The following COL11A1 variants were observed in gnomAD, a reference collection of about 807,000 sequenced individuals.
COL11A1 encodes collagen type XI alpha 1 chain.
Under a neutral mutation model 265.2 loss-of-function variants are expected in COL11A1, and 74 were observed. That is an observed-to-expected ratio of 0.28 (90% confidence interval 0.23 to 0.34). The LOEUF is 0.34. Ranked by LOEUF, COL11A1 falls within the 10% of genes least tolerant of loss-of-function variation. The probability of loss-of-function intolerance (pLI) is 1.00; values close to 1 mark genes in which losing one functional copy is unlikely to be tolerated. For synonymous variants in COL11A1, 816 were observed against 727.6 expected, an observed-to-expected ratio of 1.12 and a Z score of -1.96; for missense variants, 2,165 against 2,263.6, an observed-to-expected ratio of 0.96 and a Z score of 0.88.
At chr1:103,090,343 C>T (rs1180848117) in intron 1 of COL11A1, among the ~76,000 whole-genome samples, 1 of 152,012 alleles carries the variant, frequency 6.6e-6, no homozygotes, top group Non-Finnish European at 1.5e-5. Flanking sequence ...AGTCAAAAAA[C>T]CAGTATTGCT....
chr1:102,921,561 C>T lies in COL11A1; in HGVS notation c.3665G>A (p.Gly1222Asp). 6.2e-7 allele frequency: 1 copy of T among 1,612,782 alleles called. No homozygotes were observed. Among genetic ancestry groups the T allele is most frequent in the Non-Finnish European group, 8.5e-7 (1 of 1,179,298 alleles). ...TTGAGGGCCTCTTGGGCCTGGAGGA[C>T]CAGGTGGCCCCTGTAAGAGAGAAAT... is the stretch of plus-strand genomic sequence containing the variant. ...NGDVGPMGPPGPPGPRGPQGP... is the reference protein window; with the variant it reads ...NGDVGPMGPPDPPGPRGPQGP... The change falls in exon 48 of 67, where the codon GGT (glycine) becomes GAT (aspartate). Residue 1222 changes from glycine to aspartate, a missense_variant. Coordinates refer to ENST00000370096, the MANE Select transcript of COL11A1 (RefSeq NM_001854.4).
chr1:103,026,030 G>T, intron 6 of COL11A1, 186 bp downstream of exon 6: 1 of 1,470,922 alleles, frequency 6.8e-7, no homozygotes, highest in South Asian at 1.1e-5. Flanking sequence ...TGAAAGGAAG[G>T]CTAAGCAAAA....
intron 1 of COL11A1, among the ~76,000 whole-genome samples, chr1:103,103,835 C>T (rs1439051486): frequency 6.6e-6 from 1 of 151,990 alleles, no homozygotes; most frequent in African/African-American, 2.4e-5. Flanking sequence ...AAGGTACTTA[C>T]ATTAGTTTCA....
chr1:103,051,729 T>C (rs1383502789), intron 4 of COL11A1, among the ~76,000 whole-genome samples: 1 of 152,192 alleles, frequency 6.6e-6, no homozygotes, highest in Non-Finnish European at 1.5e-5. Context: ...GCTGTTCCCA[T>C]TTGGCCATCT....
chr1:103,020,258 C>T (rs1183738685), intron 9 of COL11A1, among the ~76,000 whole-genome samples: 5 of 142,062 alleles, frequency 3.5e-5, no homozygotes, highest in African/African-American at 5.2e-5. Flanking sequence ...CTGTTGTTTC[C>T]TGACTTTTTA....
intron 41 of COL11A1, among the ~76,000 whole-genome samples, chr1:102,957,256 C>T (rs11576893): frequency 6.6e-6 from 1 of 151,922 alleles, no homozygotes; most frequent in Non-Finnish European, 1.5e-5. Flanking sequence ...TGAATGGATA[C>T]ATTAGAATTA....
Position 102,965,506 on chromosome 1 carries a change from C to A in COL11A1, c.2897G>T (p.Gly966Val). Residue 966 changes from glycine to valine, a missense_variant, in exon 38 of 67, where the codon GGG (glycine) becomes GTG (valine). By Grantham distance (109) the Gly-to-Val change is moderately radical. Coordinates refer to ENST00000370096, the MANE Select transcript of COL11A1 (RefSeq NM_001854.4). ...FQGKTGPPGP[G>V]GVVGPQGPTG... The stretch of plus-strand genomic sequence containing the variant: ...ACATACCTGTGGTCCAACCACTCCC[C>A]CTGGCCCAGGAGGGCCGGTCTTGCC... 1 of 1,613,692 alleles carries A rather than the reference C, an allele frequency of 6.2e-7. No homozygotes were observed. The highest frequency in any genetic ancestry group is 8.5e-7 in the Non-Finnish European group (1 of 1,179,774).
At chr1:102,888,111 A>G (rs146183257) in intron 62 of COL11A1, among the ~76,000 whole-genome samples, 1 of 152,316 alleles carries the variant, frequency 6.6e-6, no homozygotes, top group East Asian at 1.9e-4. Flanking sequence ...ACATGGACCT[A>G]TATTTTAATT....
intron 35 of COL11A1, among the ~76,000 whole-genome samples, chr1:102,975,674 G>T (rs1303632622): frequency 6.6e-6 from 1 of 152,076 alleles, no homozygotes; most frequent in East Asian, 1.9e-4. Context: ...TATATGCCCA[G>T]AACGTAATAG....
intron 4 of COL11A1, among the ~76,000 whole-genome samples, chr1:103,058,492 G>A (rs188966691): frequency 1.3e-5 from 2 of 152,244 alleles, no homozygotes; most frequent in Non-Finnish European, 2.9e-5. Flanking sequence ...GGCACAAAAG[G>A]CCTGGCCTTT....
intron 36 of COL11A1, among the ~76,000 whole-genome samples, chr1:102,972,613 G>A (rs763901618): frequency 4.6e-5 from 7 of 151,956 alleles, no homozygotes; most frequent in South Asian, 2.1e-4. Flanking sequence ...ATAATTTCAC[G>A]GTATCTATGT....
At chr1:102,948,914 A>C (rs1659590876) in intron 41 of COL11A1, among the ~76,000 whole-genome samples, 1 of 152,044 alleles carries the variant, frequency 6.6e-6, no homozygotes, top group Non-Finnish European at 1.5e-5. Context: ...AGCAACCCTA[A>C]GAGTAAAAAG....
chr1:103,065,411 T>C (rs1156381917), intron 4 of COL11A1, among the ~76,000 whole-genome samples: 1 of 148,664 alleles, frequency 6.7e-6, no homozygotes, highest in Non-Finnish European at 1.5e-5. Flanking sequence ...TCCCAGCTAC[T>C]CAGGAGGCTG....
Position 102,876,596 on chromosome 1 carries a change from C to T in COL11A1, c.*1423G>A, listed in dbSNP as rs965685821. On this transcript the variant is annotated 3_prime_UTR_variant, in exon 67 of 67. Transcript: ENST00000370096. ...ATTTCACTTTTTAATTTCAATATTACAGGTATGTTCTTTTGTCATAAATTA... is the reference window on the plus strand; with the variant it reads ...ATTTCACTTTTTAATTTCAATATTATAGGTATGTTCTTTTGTCATAAATTA... The T allele has an allele frequency of 6.6e-6, 1 of 152,412 alleles. No individual in the cohort carries two copies. The highest frequency in any genetic ancestry group is 2.4e-5 in the African/African-American group (1 of 41,428). The allele number at this position is 152,412 out of a possible 1,614,324, so 9.4% of individuals were successfully genotyped here.
At chr1:103,059,517 A>G (rs1238763969) in intron 4 of COL11A1, among the ~76,000 whole-genome samples, 2 of 152,138 alleles carry the variant, frequency 1.3e-5, no homozygotes, top group Non-Finnish European at 2.9e-5. Context: ...GTTTAAAGAG[A>G]CTGAATAAGC....
intron 4 of COL11A1, among the ~76,000 whole-genome samples, chr1:103,041,363 T>A (rs966858920): frequency 2.0e-5 from 3 of 151,244 alleles, no homozygotes; most frequent in African/African-American, 7.3e-5. Flanking sequence ...TACATATCAA[T>A]TTTTAGCATC....
At position 102,898,686 on chromosome 1, in the gene COL11A1, G is replaced by C. The variant is rs778331804; in HGVS notation, c.4228C>G (p.Arg1410Gly). Residue 1410 changes from arginine to glycine, a missense_variant, in exon 56 of 67, where the codon CGG (arginine) becomes GGG (glycine). Physicochemically the swap from Arg to Gly is moderately radical, Grantham distance 125 (BLOSUM62 -2). Transcript: ENST00000370096. ...CTCACCACAGGACCAGGGATGCCCC[G>C]AAGACCTTCTGGACCAGGCTTTCCT... The part of the protein sequence containing the change: ...PAGKPGPEGL[R>G]GIPGPVGEQG... The C allele has an allele frequency of 1.2e-6, 2 of 1,612,424 alleles. No homozygotes were observed. The highest frequency in any genetic ancestry group is 2.2e-5 in the South Asian group (2 of 91,058).
At chr1:102,885,557 A>T (rs983990030) in intron 63 of COL11A1, among the ~76,000 whole-genome samples, 1 of 152,164 alleles carries the variant, frequency 6.6e-6, no homozygotes, top group Non-Finnish European at 1.5e-5. Flanking sequence ...TTTAACAAAA[A>T]CATCTATATT....
chr1:102,886,935 T>C lies in COL11A1; in HGVS notation c.4730A>G (p.Glu1577Gly), dbSNP rs1451702521. The C allele has an allele frequency of 1.9e-6, 3 of 1,613,952 alleles. No homozygotes were observed. In the African/African-American group the frequency reaches 4.0e-5, roughly 22 times the overall value. Residue 1577 changes from glutamate (E) to glycine (G), a missense_variant, in exon 63 of 67, where the codon GAA becomes GGA. Glu to Gly is a moderately conservative substitution (Grantham distance 98). Transcript: ENST00000370096. ...DNILDYSDGMEEIFGSLNSLK... is the reference protein window; with the variant it reads ...DNILDYSDGMGEIFGSLNSLK... ...GGAATTGAGGGAACCAAATATTTCTTCCATTCCATCCGAGTAATCAAGAAT... is the reference window on the plus strand; with the variant it reads ...GGAATTGAGGGAACCAAATATTTCTCCCATTCCATCCGAGTAATCAAGAAT...
Sources: gnomAD v4.1 joint callset for allele counts (sites outside exome capture counted in the v4.1 genomes callset) on GRCh38, gnomAD v4.1.1 for gene constraint, MANE v1.5 for transcripts, NCBI Gene and HGNC (gene_info 2026-07-23, HGNC 2026-07-21) for gene names.